The following SNX31 variants were observed in gnomAD, a reference collection of about 807,000 sequenced individuals.
SNX31 encodes the protein sorting nexin 31.
A neutral mutation model predicts 65.4 loss-of-function variants in SNX31; 58 were observed. The observed-to-expected ratio is 0.89, with a 90% CI of 0.72 to 1.10. SNX31 has a LOEUF of 1.10. Ranked by LOEUF, SNX31 falls within the 50% of genes least tolerant of loss-of-function variation. The pLI is 0.00. For missense variants in SNX31, 523 were observed against 529.7 expected (o/e 0.99, Z 0.12); for synonymous variants, 181 against 190.1 (o/e 0.95, Z 0.39).
rs1814239397 is a variant in SNX31, at chr8:100,588,312, T to C, written c.1092+554A>G. On this transcript the variant is annotated intron_variant, in intron 11 of 13. Transcript: ENST00000311812. The surrounding 1 kb of genome is among the most constrained non-coding windows in gnomAD (Gnocchi z 4.8). ...TTTGGGATAAGGGATACTCAACCAG[T>C]GGCTTTTTATCTGCTTGGAAAAGGT... Among the ~76,000 whole-genome samples the C allele has an allele frequency of 6.6e-6, 1 of 152,196 alleles. No individual in the cohort carries two copies. Among genetic ancestry groups the C allele is most frequent in the Non-Finnish European group, 1.5e-5 (1 of 68,026 alleles).
In SNX31 at chr8:100,588,865, C is replaced by T. The variant is rs763581332; in HGVS notation, c.1092+1G>A. The stretch of plus-strand genomic sequence containing the variant: ...GTTCAAGGTCTGCCCTGAGAACTCA[C>T]CTGTTTGGTGTAAATAACAAACCAC... On this transcript the variant is annotated splice_donor_variant, in intron 11 of 13. Transcript: ENST00000311812. LOFTEE classifies it high-confidence loss of function. The surrounding 1 kb of genome is among the most constrained non-coding windows in gnomAD (Gnocchi z 4.8). 3.7e-6 allele frequency: 6 copies of T among 1,608,748 alleles called. No individual in the cohort carries two copies. Among genetic ancestry groups the T allele is most frequent in the Admixed American group, 3.3e-5 (2 of 59,946 alleles).
At chr8:100,634,707 C>T (rs1317199797) in intron 3 of SNX31, among the ~76,000 whole-genome samples, 1 of 151,484 alleles carries the variant, frequency 6.6e-6, no homozygotes, top group Non-Finnish European at 1.5e-5. Flanking sequence ...CAAGGTCACA[C>T]CACTGCACTC....
At chr8:100,649,393 G>C (rs763986838) in intron 1 of SNX31, 45 bp from the exon 2 acceptor site, 1 of 1,610,868 alleles carries the variant, frequency 6.2e-7, no homozygotes, top group Non-Finnish European at 8.5e-7. Context: ...CGAGGGATAA[G>C]TGAGCATTGC....
At position 100,614,058 on chromosome 8, in the gene SNX31, G is replaced by C. The variant is rs980603558; in HGVS notation, c.433-973C>G. The stretch of plus-strand genomic sequence containing the variant: ...GTCAGAGATACATAAATTACCCCCA[G>C]GAAGCAGTCTGATTAGGTGGCTGGT... On this transcript the variant is annotated intron_variant, in intron 5 of 13. Coordinates refer to ENST00000311812, the MANE Select transcript of SNX31 (RefSeq NM_152628.4). This position sits in a 1 kb window ranked among gnomAD's most constrained non-coding sequence, Gnocchi z 5.1. 6.6e-6 allele frequency among the ~76,000 whole-genome samples: 1 copy of C among 152,204 alleles called. No individual in the cohort carries two copies. Among genetic ancestry groups the C allele is most frequent in the Non-Finnish European group, 1.5e-5 (1 of 68,044 alleles).
intron 11 of SNX31, among the ~76,000 whole-genome samples, chr8:100,586,605 T>C (rs1054617774): frequency 6.6e-6 from 1 of 152,214 alleles, no homozygotes; most frequent in Admixed American, 6.5e-5. Flanking sequence ...TGACTGATAA[T>C]CTTGCCTTAG....
At position 100,594,103 on chromosome 8, in the gene SNX31, G is replaced by A. The variant is rs1384376845; in HGVS notation, c.978+2536C>T. 6.6e-6 allele frequency among the ~76,000 whole-genome samples: 1 copy of A among 152,050 alleles called. No individual in the cohort carries two copies. The highest frequency in any genetic ancestry group is 1.5e-5 in the Non-Finnish European group (1 of 68,006). ...AGATTGTTTGAGGTCAGGAGTTTGA[G>A]ACCAGCCAGGACAACGTGGTGAAAC... On this transcript the variant is annotated intron_variant, in intron 10 of 13. Coordinates refer to ENST00000311812, the MANE Select transcript of SNX31 (RefSeq NM_152628.4). The surrounding 1 kb of genome is among the most constrained non-coding windows in gnomAD (Gnocchi z 4.0).
At position 100,573,976 on chromosome 8, in the gene SNX31, AGAG is replaced by A; in HGVS notation, c.1228-19_1228-17del. 1 of 1,399,554 alleles carries A rather than the reference AGAG, an allele frequency of 7.1e-7. No homozygotes were observed. The highest frequency in any genetic ancestry group is 9.8e-7 in the Non-Finnish European group (1 of 1,016,604). 86.7% of individuals were successfully genotyped at this position (1,399,554 alleles called of 1,614,324 possible). On this transcript the variant is annotated splice_polypyrimidine_tract_variant and intron_variant, in intron 13 of 13. Transcript: ENST00000311812. ...AGTCTTTCTGCTGTGAAGTAAACAG[AGAG>A]GTCAGAAATGTAAATGAAAGGAAAT...
At chr8:100,636,079 G>GGAGGCTTTAGTAA in intron 2 of SNX31, 68 bp from the exon 3 acceptor site, 1 of 1,168,750 alleles carries the variant, frequency 8.6e-7, no homozygotes, top group Non-Finnish European at 1.3e-6. Flanking sequence ...GATTACTAAA[G>GGAGGCTTTAGTAA]TCTCCTTTAG....
At chr8:100,591,488 CA>C (rs71274986) in intron 10 of SNX31, among the ~76,000 whole-genome samples, 3,946 of 77,504 alleles carry the variant, frequency 0.051, 75 homozygotes, top group African/African-American at 0.11. Flanking sequence ...GACTCCGTCT[CA>C]AAAAAAAAAA....
At position 100,625,492 on chromosome 8, in the gene SNX31, C is replaced by A. The variant is rs1817986164; in HGVS notation, c.321+4835G>T. On this transcript the variant is annotated intron_variant, in intron 4 of 13. Transcript: ENST00000311812. This position sits in a 1 kb window ranked among gnomAD's most constrained non-coding sequence, Gnocchi z 4.2. ...AAAAGATTTCTCCAGTTGTTAAATTCAACTCAATTCAACTCAAAAAGAGCA... is the reference window on the plus strand; with the variant it reads ...AAAAGATTTCTCCAGTTGTTAAATTAAACTCAATTCAACTCAAAAAGAGCA... Among the ~76,000 whole-genome samples, 1 of 152,146 alleles carries A rather than the reference C, an allele frequency of 6.6e-6. No homozygotes were observed. Among genetic ancestry groups the A allele is most frequent in the Non-Finnish European group, 1.5e-5 (1 of 68,026 alleles).
At chr8:100,638,137 A>G (rs1818909915) in intron 2 of SNX31, among the ~76,000 whole-genome samples, 1 of 152,224 alleles carries the variant, frequency 6.6e-6, no homozygotes, top group South Asian at 2.1e-4. Context: ...TGGGCAACAG[A>G]GCAAGACTTT....
Position 100,600,356 on chromosome 8 carries a change from T to A in SNX31, c.767A>T (p.Gln256Leu). ...KLEAFQKEDS[Q>L]TKFLELAREV... is the part of the protein sequence containing the mutation. ...GAGCAATATTTGATTCACCTTTGTT[T>A]GACTGTCTTCTTTCTGGAAAGCTTC... The change falls in exon 9 of 14, where the codon CAA (glutamine) becomes CTA (leucine). Residue 256 changes from glutamine (Q) to leucine (L), a missense_variant. By Grantham distance (113) the Gln-to-Leu change is moderately radical. Transcript: ENST00000311812. 1 of 1,613,540 alleles carries A rather than the reference T, an allele frequency of 6.2e-7. No individual in the cohort carries two copies. Among genetic ancestry groups the A allele is most frequent in the Non-Finnish European group, 8.5e-7 (1 of 1,179,642 alleles).
At chr8:100,654,600 G>A (rs942628120), upstream of SNX31, among the ~76,000 whole-genome samples, 2 of 152,260 alleles carry the variant, frequency 1.3e-5, no homozygotes, top group Non-Finnish European at 2.9e-5. Flanking sequence ...TCGAGCCATG[G>A]CAGAAGTGAC....
intron 2 of SNX31, among the ~76,000 whole-genome samples, chr8:100,645,606 AT>A (rs10598981): frequency 0.024 from 2,584 of 106,648 alleles, 35 homozygotes; most frequent in African/African-American, 0.063. Flanking sequence ...CAGACTCTTC[AT>A]TTTTTTTTTT....
At chr8:100,605,011 G>A (rs1344787490) in intron 8 of SNX31, among the ~76,000 whole-genome samples, 1 of 151,968 alleles carries the variant, frequency 6.6e-6, no homozygotes, top group Non-Finnish European at 1.5e-5. Context: ...AGATTCTCCT[G>A]CCTCGGCCTC....
upstream of SNX31, among the ~76,000 whole-genome samples, chr8:100,654,528 TC>T (rs564236120): frequency 9.2e-3 from 1,402 of 151,924 alleles, 28 homozygotes; most frequent in African/African-American, 0.032. Flanking sequence ...AAATCAAGAG[TC>T]CCCAGATTTG....
In SNX31 at chr8:100,575,014, C is replaced by T. The variant is rs965917436; in HGVS notation, c.1228-1054G>A. ...CGCAAATCTTTAAAGAGTAATTTGCCTTCAGTACTTATGAAATCTCAAAGA... is the reference window on the plus strand; with the variant it reads ...CGCAAATCTTTAAAGAGTAATTTGCTTTCAGTACTTATGAAATCTCAAAGA... On this transcript the variant is annotated intron_variant, in intron 13 of 13. Coordinates refer to ENST00000311812, the MANE Select transcript of SNX31 (RefSeq NM_152628.4). This position sits in a 1 kb window ranked among gnomAD's most constrained non-coding sequence, Gnocchi z 5.1. Among the ~76,000 whole-genome samples, 2 of 152,062 alleles carry T rather than the reference C, an allele frequency of 1.3e-5. No individual in the cohort carries two copies. Among genetic ancestry groups the T allele is most frequent in the Non-Finnish European group, 2.9e-5 (2 of 68,010 alleles).
chr8:100,586,659 T>G (rs1814078252), intron 11 of SNX31, among the ~76,000 whole-genome samples: 1 of 152,218 alleles, frequency 6.6e-6, no homozygotes, highest in African/African-American at 2.4e-5. Context: ...ATACTTAAGG[T>G]GGACCTAAGG....
Position 100,622,235 on chromosome 8 carries a change from T to C in SNX31, c.322-4505A>G, listed in dbSNP as rs1457081261. Among the ~76,000 whole-genome samples the C allele has an allele frequency of 6.6e-6, 1 of 152,150 alleles. No individual in the cohort carries two copies. Among genetic ancestry groups the C allele is most frequent in the Non-Finnish European group, 1.5e-5 (1 of 68,028 alleles). On this transcript the variant is annotated intron_variant, in intron 4 of 13. Transcript: ENST00000311812. This position sits in a 1 kb window ranked among gnomAD's most constrained non-coding sequence, Gnocchi z 5.0. ...GAAGATAAGCTCCTACAGAGCAGGA[T>C]TATGTGGTGAGTTTATCTTGAAGAG...
Sources: gnomAD v4.1 joint callset for allele counts (sites outside exome capture counted in the v4.1 genomes callset) on GRCh38, gnomAD v4.1.1 for gene constraint, Gnocchi (gnomAD v3.1) non-coding constraint, MANE v1.5 for transcripts, NCBI Gene and HGNC (gene_info 2026-07-23, HGNC 2026-07-21) for gene names.